CSMD1: variants seen among roughly 807,000 people sequenced by gnomAD.
CSMD1 encodes the protein CUB and sushi domain-containing protein 1.
In CSMD1, 213 loss-of-function variants were observed where a neutral mutation model predicts 417.5. The observed-to-expected ratio is 0.51, with a 90% CI of 0.46 to 0.57. CSMD1 has a LOEUF of 0.57. Ranked by LOEUF, CSMD1 falls within the 20% of genes least tolerant of loss-of-function variation. The probability of loss-of-function intolerance (pLI) is 0.00; values close to 1 mark genes in which losing one functional copy is unlikely to be tolerated. For synonymous variants in CSMD1, 2,862 were observed against 1,736.8 expected, an observed-to-expected ratio of 1.65 and a Z score of -16.11; for missense variants, 6,923 against 4,529.7, an observed-to-expected ratio of 1.53 and a Z score of -15.17.
chr8:3,675,101 G>A (rs777262310), intron 7 of CSMD1, among the ~76,000 whole-genome samples: 1 of 152,174 alleles, frequency 6.6e-6, no homozygotes, highest in African/African-American at 2.4e-5. Flanking sequence ...CCATCTTGAA[G>A]AGATGCAGTG....
chr8:3,990,442 C>G (rs558025661), intron 5 of CSMD1, among the ~76,000 whole-genome samples: 131 of 152,212 alleles, frequency 8.6e-4, no homozygotes, highest in Middle Eastern at 3.4e-3. Flanking sequence ...TCCTATTGGT[C>G]CCATCTTTAG....
chr8:3,904,900 G>C (rs1304535548), intron 5 of CSMD1, among the ~76,000 whole-genome samples: 1 of 151,978 alleles, frequency 6.6e-6, no homozygotes, highest in Non-Finnish European at 1.5e-5. Context: ...GCCTCCCAAA[G>C]GGCTGAGATT....
At chr8:3,420,275 A>G (rs1813403248) in intron 12 of CSMD1, among the ~76,000 whole-genome samples, 1 of 152,156 alleles carries the variant, frequency 6.6e-6, no homozygotes, top group East Asian at 1.9e-4. Context: ...CCTGAGGAAT[A>G]GTCTACACAA....
intron 23 of CSMD1, among the ~76,000 whole-genome samples, chr8:3,330,220 A>G (rs1806801505): frequency 6.6e-6 from 1 of 152,212 alleles, no homozygotes; most frequent in South Asian, 2.1e-4. Context: ...GAAACAATGA[A>G]GGAACATATG....
chr8:4,327,038 T>C (rs1481249534), intron 3 of CSMD1, among the ~76,000 whole-genome samples: 1 of 152,278 alleles, frequency 6.6e-6, no homozygotes, highest in Non-Finnish European at 1.5e-5. Flanking sequence ...GTCAGTGGTA[T>C]GGATTCCAAC....
intron 1 of CSMD1, among the ~76,000 whole-genome samples, chr8:4,884,204 CGT>C (rs776117074): frequency 5.4e-4 from 80 of 149,408 alleles, no homozygotes; most frequent in African/African-American, 6.8e-4. Flanking sequence ...GTAAGAACTT[CGT>C]GTGTGTGTGT....
intron 1 of CSMD1, among the ~76,000 whole-genome samples, chr8:4,846,998 T>G (rs975752869): frequency 1.3e-5 from 2 of 152,204 alleles, no homozygotes; most frequent in Non-Finnish European, 2.9e-5. Context: ...ATTTCGTTAA[T>G]GATTTGTCAG....
chr8:3,176,106 A>G (rs760749332), intron 37 of CSMD1, among the ~76,000 whole-genome samples: 7 of 152,230 alleles, frequency 4.6e-5, no homozygotes, highest in African/African-American at 1.7e-4. Context: ...TTGGAAAGAC[A>G]GAAATACGTA....
intron 3 of CSMD1, among the ~76,000 whole-genome samples, chr8:4,106,981 C>G (rs866242559): frequency 1.4e-4 from 21 of 152,296 alleles, no homozygotes; most frequent in Admixed American, 3.9e-4. Flanking sequence ...AGAGACTCAG[C>G]AGATGGGCCT....
At position 3,285,037 on chromosome 8, in the gene CSMD1, A is replaced by C. The variant is rs57337567; in HGVS notation, c.3951-691T>G. On this transcript the variant is annotated intron_variant, in intron 25 of 69. Coordinates refer to ENST00000635120, the MANE Select transcript of CSMD1 (RefSeq NM_033225.6). ...CTCACATTCAGAGGCAGCAGGATCT[A>C]TGTAGTCCTATTTAGGGCCATTGAA... is the stretch of plus-strand genomic sequence containing the variant. Among the ~76,000 whole-genome samples the C allele has an allele frequency of 6.4e-3, 969 of 152,268 alleles. 11 individuals carry two copies. The highest frequency in any genetic ancestry group is 0.022 in the African/African-American group (927 of 41,554).
chr8:3,529,454 T>C (rs1471808803), intron 10 of CSMD1, among the ~76,000 whole-genome samples: 1 of 152,160 alleles, frequency 6.6e-6, no homozygotes, highest in Non-Finnish European at 1.5e-5. Flanking sequence ...TAAGACAGAA[T>C]CATAAATTTG....
intron 1 of CSMD1, among the ~76,000 whole-genome samples, chr8:4,686,567 A>G: frequency 6.6e-6 from 1 of 152,224 alleles, no homozygotes; most frequent in Non-Finnish European, 1.5e-5. Flanking sequence ...CTGATTTATA[A>G]GCATTAGATC....
At chr8:4,499,430 G>C (rs1054363227) in intron 2 of CSMD1, among the ~76,000 whole-genome samples, 4 of 152,324 alleles carry the variant, frequency 2.6e-5, no homozygotes, top group Non-Finnish European at 5.9e-5. Context: ...GCACACATCT[G>C]ACAGACGAAA....
intron 1 of CSMD1, among the ~76,000 whole-genome samples, chr8:4,958,629 A>G (rs1011251751): frequency 3.9e-5 from 6 of 152,176 alleles, no homozygotes; most frequent in Admixed American, 6.5e-5. Context: ...CTATTCAAGT[A>G]TGGGATCTAT....
At chr8:3,688,388 T>C (rs1026404875) in intron 7 of CSMD1, among the ~76,000 whole-genome samples, 2 of 152,170 alleles carry the variant, frequency 1.3e-5, no homozygotes, top group Non-Finnish European at 2.9e-5. Context: ...AATTGAGAAA[T>C]AGACAGAGGT....
In CSMD1 at chr8:3,550,756, G is replaced by A. The variant is rs114036903; in HGVS notation, c.1344+24189C>T. ...GAAAAGAAGCTTCATGGCCAACCAG[G>A]CTTGCACCACATATTCCCACATCCT... On this transcript the variant is annotated intron_variant, in intron 10 of 69. Transcript: ENST00000635120. 2.3e-3 allele frequency among the ~76,000 whole-genome samples: 354 copies of A among 152,254 alleles called. 2 individuals carry two copies. The highest frequency in any genetic ancestry group is 8.3e-3 in the African/African-American group (343 of 41,544).
chr8:4,441,367 C>T (rs1271840800), intron 2 of CSMD1, among the ~76,000 whole-genome samples: 1 of 149,576 alleles, frequency 6.7e-6, no homozygotes, highest in African/African-American at 2.5e-5. Flanking sequence ...CCTGTCTGAG[C>T]CTCCTAAAGT....
chr8:4,974,003 G>C (rs1024196304), intron 1 of CSMD1, among the ~76,000 whole-genome samples: 4 of 152,032 alleles, frequency 2.6e-5, no homozygotes, highest in African/African-American at 4.8e-5. Context: ...TTTTAGATTA[G>C]CCTCTCTGGA....
At chr8:3,439,315 TTTTTTA>T (rs1585166761) in intron 12 of CSMD1, among the ~76,000 whole-genome samples, 45 of 72,584 alleles carry the variant, frequency 6.2e-4, no homozygotes, top group African/African-American at 2.3e-3. Context: ...ATATATTTTT[TTTTTTA>T]ATATGTATTT....
Sources: allele counts gnomAD v4.1 joint callset (sites outside exome capture counted in the v4.1 genomes callset), GRCh38; gene constraint gnomAD v4.1.1; transcripts MANE v1.5; gene names NCBI Gene and HGNC (gene_info 2026-07-23, HGNC 2026-07-21).